ACOXL: variants seen among roughly 807,000 people sequenced by gnomAD.
The protein encoded by ACOXL is acyl-CoA oxidase like.
ACOXL carries 70 observed loss-of-function variants against 71.9 expected under a neutral mutation model. The ratio of observed to expected loss-of-function variants is 0.97; its 90% CI spans 0.80 to 1.19. The LOEUF (loss-of-function observed/expected upper bound fraction) is 1.19. ACOXL is among the 50% of genes most tolerant of loss of function. The pLI, the probability that ACOXL is intolerant of heterozygous loss-of-function variation, is 0.00. For synonymous variants in ACOXL, 253 were observed against 281.6 expected (o/e 0.90, Z 1.02); for missense variants, 703 against 736.3 (o/e 0.95, Z 0.52).
intron 9 of ACOXL, among the ~76,000 whole-genome samples, chr2:110,831,226 A>G (rs1689788274): frequency 6.6e-6 from 1 of 152,182 alleles, no homozygotes; most frequent in African/African-American, 2.4e-5. Context: ...GATTTCTTAC[A>G]TAGAAAGCCC....
At chr2:110,931,760 A>G (rs2060486601) in intron 11 of ACOXL, among the ~76,000 whole-genome samples, 1 of 152,214 alleles carries the variant, frequency 6.6e-6, no homozygotes. Context: ...AACATTAAAA[A>G]GACTGTAAAG....
intron 11 of ACOXL, among the ~76,000 whole-genome samples, chr2:110,912,457 A>G (rs1245004800): frequency 6.6e-6 from 1 of 152,146 alleles, no homozygotes; most frequent in African/African-American, 2.4e-5. Flanking sequence ...ACAGAAACAC[A>G]TCCCTAAATT....
chr2:110,831,741 A>G (rs1291630600), intron 9 of ACOXL, among the ~76,000 whole-genome samples: 3 of 152,212 alleles, frequency 2.0e-5, no homozygotes, highest in Non-Finnish European at 2.9e-5. Context: ...AAGTAGATCA[A>G]TGGAGCAGAT....
intron 17 of ACOXL, among the ~76,000 whole-genome samples, chr2:111,095,499 CCTTGCCT>C (rs2068757525): frequency 6.9e-6 from 1 of 145,254 alleles, no homozygotes; most frequent in African/African-American, 2.5e-5. Context: ...TCAAGTGATT[CCTTGCCT>C]CAGCTTCCTG....
chr2:110,994,087 A>T (rs548410004), intron 13 of ACOXL, among the ~76,000 whole-genome samples: 1 of 152,314 alleles, frequency 6.6e-6, no homozygotes, highest in Admixed American at 6.5e-5. Flanking sequence ...CCCTTCCTGC[A>T]GCACGTGCAG....
intron 2 of ACOXL, among the ~76,000 whole-genome samples, chr2:110,774,854 AT>A (rs1398183620): frequency 6.6e-6 from 1 of 152,262 alleles, no homozygotes; most frequent in Non-Finnish European, 1.5e-5. Flanking sequence ...GGGACTCTGA[AT>A]AGCCAAAGCA....
At chr2:110,874,704 T>A (rs1467173338) in intron 10 of ACOXL, among the ~76,000 whole-genome samples, 1 of 152,132 alleles carries the variant, frequency 6.6e-6, no homozygotes, top group Non-Finnish European at 1.5e-5. Context: ...GTTTAACAAG[T>A]TAGAGCAGAG....
intron 2 of ACOXL, among the ~76,000 whole-genome samples, chr2:110,779,993 G>T (rs1559251387): frequency 6.6e-6 from 1 of 152,112 alleles, no homozygotes; most frequent in Non-Finnish European, 1.5e-5. Flanking sequence ...TTCATTAAAA[G>T]ACATCATTAA....
chr2:110,883,855 G>T (rs1696979126), intron 10 of ACOXL, among the ~76,000 whole-genome samples: 1 of 152,086 alleles, frequency 6.6e-6, no homozygotes. Context: ...TTGTATGAGA[G>T]AAAAAAGTAT....
chr2:110,959,206 C>G (rs2061609273), intron 12 of ACOXL, among the ~76,000 whole-genome samples: 1 of 152,204 alleles, frequency 6.6e-6, no homozygotes, highest in Non-Finnish European at 1.5e-5. Context: ...TGTGGCTCTG[C>G]ACTCAGCCCT....
At chr2:110,821,309 A>C (rs1688573594) in intron 9 of ACOXL, among the ~76,000 whole-genome samples, 2 of 151,612 alleles carry the variant, frequency 1.3e-5, no homozygotes, top group Non-Finnish European at 2.9e-5. Context: ...TATTTCTGCT[A>C]GTTTCTATTC....
At chr2:111,015,138 C>CA (rs1356324249) in intron 14 of ACOXL, among the ~76,000 whole-genome samples, 2 of 152,150 alleles carry the variant, frequency 1.3e-5, no homozygotes, top group East Asian at 3.8e-4. Flanking sequence ...CAAAAGTGAA[C>CA]ATTTTTCTTC....
chr2:110,900,086 T>TAC (rs60758688), intron 10 of ACOXL, among the ~76,000 whole-genome samples: 10,333 of 143,070 alleles, frequency 0.072, 515 homozygotes, highest in African/African-American at 0.15. Context: ...CACACACACA[T>TAC]ACACACACAC....
At chr2:110,760,305 G>C (rs1410422642) in intron 1 of ACOXL, among the ~76,000 whole-genome samples, 1 of 151,812 alleles carries the variant, frequency 6.6e-6, no homozygotes, top group African/African-American at 2.4e-5. Flanking sequence ...ACCACGCCTG[G>C]CTAATTTTTT....
At chr2:111,027,904 G>T (rs1348971042) in intron 14 of ACOXL, among the ~76,000 whole-genome samples, 1 of 152,052 alleles carries the variant, frequency 6.6e-6, no homozygotes, top group Non-Finnish European at 1.5e-5. Context: ...TATTTCTTAG[G>T]CTGGGCACAG....
intron 1 of ACOXL, among the ~76,000 whole-genome samples, chr2:110,735,589 C>G (rs1254014241): frequency 2.0e-5 from 3 of 152,316 alleles, no homozygotes; most frequent in East Asian, 1.9e-4. Context: ...GCCATCGGCT[C>G]CCAGGGGCAA....
At chr2:110,799,669 A>G (rs1409624403) in intron 7 of ACOXL, among the ~76,000 whole-genome samples, 1 of 152,216 alleles carries the variant, frequency 6.6e-6, no homozygotes, top group Non-Finnish European at 1.5e-5. Context: ...TCCTGGTTCC[A>G]GAGGGGACTT....
rs557827832 is a variant in ACOXL, at chr2:110,798,214, C to T, written c.346-396C>T. ...CTTCTGCTGTGAAATCCCCTGGAAA[C>T]GGAACCCTGCACTGTGTGGTTCTGT... On this transcript the variant is annotated intron_variant, in intron 5 of 17. Coordinates refer to ENST00000439055, the MANE Select transcript of ACOXL (RefSeq NM_001142807.4). Among the ~76,000 whole-genome samples the T allele has an allele frequency of 1.3e-4, 20 of 151,590 alleles. No individual in the cohort carries two copies. In the South Asian group the frequency reaches 1.9e-3, roughly 14 times the overall value.
Position 110,935,783 on chromosome 2 carries a change from A to G in ACOXL, c.1059+2141A>G, listed in dbSNP as rs371508154. ...GTGGACACTAACAGGGTGCTCTGCA[A>G]CAGTGGCCTCCAACCTGTTTGGCAC... On this transcript the variant is annotated intron_variant, in intron 12 of 17. Coordinates refer to ENST00000439055, the MANE Select transcript of ACOXL (RefSeq NM_001142807.4). 2.0e-5 allele frequency among the ~76,000 whole-genome samples: 3 copies of G among 151,742 alleles called. No individual in the cohort carries two copies. In the East Asian group the frequency reaches 5.9e-4, roughly 30 times the overall value.
Sources: gnomAD v4.1 joint callset for allele counts (sites outside exome capture counted in the v4.1 genomes callset) on GRCh38, gnomAD v4.1.1 for gene constraint, MANE v1.5 for transcripts, NCBI Gene and HGNC (gene_info 2026-07-23, HGNC 2026-07-21) for gene names.